Variants in SIRPB1 observed in about 807,000 individuals in gnomAD.
SIRPB1 encodes signal regulatory protein beta 1.
Under a neutral mutation model 34.1 loss-of-function variants are expected in SIRPB1, and 28 were observed. The ratio of observed to expected loss-of-function variants is 0.82; its 90% CI spans 0.61 to 1.12. The LOEUF is 1.12. SIRPB1 is among the 50% of genes most tolerant of loss of function. The probability of loss-of-function intolerance (pLI) is 0.00; values close to 1 mark genes in which losing one functional copy is unlikely to be tolerated. For missense variants in SIRPB1, 499 were observed against 507.0 expected (o/e 0.98, Z 0.15); for synonymous variants, 211 against 203.8 (o/e 1.04, Z -0.30).
intron 1 of SIRPB1, among the ~76,000 whole-genome samples, chr20:1,614,734 C>A (rs1042133565): frequency 6.6e-6 from 1 of 152,056 alleles, no homozygotes; most frequent in African/African-American, 2.4e-5. Context: ...ATCACTCTAA[C>A]ATTTTCAATA....
rs967315303 is a variant in SIRPB1, at chr20:1,565,268, G to A, written c.*232C>T. On this transcript the variant is annotated 3_prime_UTR_variant, in exon 6 of 6. Coordinates refer to ENST00000381605, the MANE Select transcript of SIRPB1 (RefSeq NM_006065.5). ...GGAGTGTTTCTCACCTTCTAGGGAGGTGCCATGAGTCAGTGCCCAGAGCCC... is the reference window on the plus strand; with the variant it reads ...GGAGTGTTTCTCACCTTCTAGGGAGATGCCATGAGTCAGTGCCCAGAGCCC... The A allele has an allele frequency of 8.0e-6, 3 of 374,178 alleles. No individual in the cohort carries two copies. The highest frequency in any genetic ancestry group is 4.2e-5 in the African/African-American group (2 of 48,048). 23.2% of individuals were successfully genotyped at this position (374,178 alleles called of 1,614,324 possible).
intron 1 of SIRPB1, among the ~76,000 whole-genome samples, chr20:1,616,074 CA>C (rs1470016676): frequency 6.6e-6 from 1 of 152,032 alleles, no homozygotes; most frequent in East Asian, 1.9e-4. Flanking sequence ...ATAAATAGAA[CA>C]AAAATAATGG....
Position 1,578,146 on chromosome 20 carries a change from G to C in SIRPB1, c.433+192C>G. 3 of 636,786 alleles carry C rather than the reference G, an allele frequency of 4.7e-6. No individual in the cohort carries two copies. In the South Asian group the frequency reaches 5.7e-5, roughly 12 times the overall value. The allele number at this position is 636,786 out of a possible 1,614,324, so 39.4% of individuals were successfully genotyped here. The stretch of plus-strand genomic sequence containing the variant: ...CCTTCTGTCCCATCATTTACAAGCC[G>C]TGGAGCCTCGAGCGACTGCCATGAC... On this transcript the variant is annotated intron_variant, in intron 2 of 5. Coordinates refer to ENST00000381605, the MANE Select transcript of SIRPB1 (RefSeq NM_006065.5).
rs112508653 is a variant in SIRPB1 at position 1,613,113 on chromosome 20, T to C, written c.76+6756A>G. Among the ~76,000 whole-genome samples, 2 of 73,460 alleles carry C rather than the reference T, an allele frequency of 2.7e-5. 1 individual carries two copies. The highest frequency in any genetic ancestry group is 5.2e-5 in the Non-Finnish European group (2 of 38,808). 48.2% of individuals were successfully genotyped at this position (73,460 alleles called of 152,430 possible). A position where few individuals can be genotyped will look rare whatever the true frequency, so the allele number is the denominator to read the frequency against. ...GTGTCCATTTGCTTAACTTTAATAA[T>C]CATTTCACTACGTATATGTATATGT... is the stretch of plus-strand genomic sequence containing the variant. On this transcript the variant is annotated intron_variant, in intron 1 of 5. Coordinates refer to ENST00000381605, the MANE Select transcript of SIRPB1 (RefSeq NM_006065.5).
intron 4 of SIRPB1, among the ~76,000 whole-genome samples, chr20:1,567,646 C>T (rs1201596397): frequency 1.3e-5 from 2 of 152,160 alleles, no homozygotes; most frequent in Non-Finnish European, 2.9e-5. Context: ...CTGGAGAAGC[C>T]GTGACTTGCT....
In SIRPB1 at chr20:1,591,177, G is replaced by A. The variant is rs989543808; in HGVS notation, c.77-12483C>T. ...TAAAAAATGTAATAGGTTGACTAGG[G>A]GACTATATATATATAAGTAGTAAGT... On this transcript the variant is annotated intron_variant, in intron 1 of 5. Transcript: ENST00000381605. 4.1e-5 allele frequency among the ~76,000 whole-genome samples: 2 copies of A among 48,504 alleles called. 1 individual carries two copies. Among genetic ancestry groups the A allele is most frequent in the Non-Finnish European group, 7.9e-5 (2 of 25,238 alleles). The allele number at this position is 48,504 out of a possible 152,430, so 31.8% of individuals were successfully genotyped here.
intron 4 of SIRPB1, among the ~76,000 whole-genome samples, chr20:1,567,814 G>A (rs2091162905): frequency 6.6e-6 from 1 of 152,224 alleles, no homozygotes; most frequent in Non-Finnish European, 1.5e-5. Context: ...CTCTTGGGAG[G>A]AAGGCAATGA....
chr20:1,565,902 G>A (rs542564812), intron 5 of SIRPB1, among the ~76,000 whole-genome samples: 2 of 152,058 alleles, frequency 1.3e-5, no homozygotes, highest in Admixed American at 1.3e-4. Context: ...TAGGCCACTG[G>A]GGACAACTTT....
Position 1,573,631 on chromosome 20 carries a change from G to C in SIRPB1, c.434-1594C>G, listed in dbSNP as rs1019616779. 6.2e-5 allele frequency among the ~76,000 whole-genome samples: 9 copies of C among 144,482 alleles called. 1 individual carries two copies. Among genetic ancestry groups the C allele is most frequent in the African/African-American group, 2.3e-4 (9 of 39,882 alleles). 94.8% of individuals were successfully genotyped at this position (144,482 alleles called of 152,430 possible). ...CTAGAAGGCTGAGAGGCTGTCTTCA[G>C]TTCCGATTTTTTGAGGGCTTCTTGG... On this transcript the variant is annotated intron_variant, in intron 2 of 5. Coordinates refer to ENST00000381605, the MANE Select transcript of SIRPB1 (RefSeq NM_006065.5).
intron 1 of SIRPB1, among the ~76,000 whole-genome samples, chr20:1,615,703 T>G (rs2091619598): frequency 6.6e-6 from 1 of 152,134 alleles, no homozygotes; most frequent in Non-Finnish European, 1.5e-5. Flanking sequence ...TACACCATAT[T>G]TATAGAAGAA....
At chr20:1,573,671 C>T (rs901174177) in intron 2 of SIRPB1, among the ~76,000 whole-genome samples, 1 of 147,136 alleles carries the variant, frequency 6.8e-6, no homozygotes, top group Non-Finnish European at 1.5e-5. Flanking sequence ...CTGATGCTGG[C>T]TGCTCTCTCT....
At position 1,562,722 on chromosome 20, in the gene SIRPB1, T is replaced by C. The variant is rs1440430455; in HGVS notation, c.*2778A>G. Among the ~76,000 whole-genome samples, 1 of 152,164 alleles carries C rather than the reference T, an allele frequency of 6.6e-6. No homozygotes were observed. Among genetic ancestry groups the C allele is most frequent in the Non-Finnish European group, 1.5e-5 (1 of 68,032 alleles). On this transcript the variant is annotated 3_prime_UTR_variant, in exon 6 of 6. Coordinates refer to ENST00000381605, the MANE Select transcript of SIRPB1 (RefSeq NM_006065.5). Reference sequence around the variant, plus strand: ...GTCATGTTGTGTCTTTCAAAGTCTGTTGGTGATTGGTCCCTATGGCTCTCC... The same window carrying C: ...GTCATGTTGTGTCTTTCAAAGTCTGCTGGTGATTGGTCCCTATGGCTCTCC...
At chr20:1,572,817 A>T (rs564903178) in intron 2 of SIRPB1, among the ~76,000 whole-genome samples, 1 of 151,948 alleles carries the variant, frequency 6.6e-6, no homozygotes, top group African/African-American at 2.4e-5. Flanking sequence ...CATTGGAATC[A>T]CACCTGCTAA....
intron 1 of SIRPB1, among the ~76,000 whole-genome samples, chr20:1,580,011 C>T (rs1239260269): frequency 6.7e-6 from 1 of 148,570 alleles, no homozygotes; most frequent in Non-Finnish European, 1.5e-5. Flanking sequence ...ACATACAACA[C>T]ATGCAGCATA....
chr20:1,614,677 C>T (rs748141150), intron 1 of SIRPB1, among the ~76,000 whole-genome samples: 9 of 152,038 alleles, frequency 5.9e-5, no homozygotes, highest in Non-Finnish European at 8.8e-5. Context: ...TTCATATGAA[C>T]TTTTCATGGC....
chr20:1,567,067 T>C (rs138812104), intron 4 of SIRPB1, among the ~76,000 whole-genome samples: 253 of 152,238 alleles, frequency 1.7e-3, no homozygotes, highest in African/African-American at 5.7e-3. Flanking sequence ...GGGTTTTGGA[T>C]GTTAAAAGTA....
rs928252685 is a variant in SIRPB1, at chr20:1,579,248, G to C, written c.77-554C>G. 1.1e-4 allele frequency among the ~76,000 whole-genome samples: 17 copies of C among 148,200 alleles called. 2 individuals are homozygous for C. Among genetic ancestry groups the C allele is most frequent in the Non-Finnish European group, 2.3e-4 (15 of 66,232 alleles). On this transcript the variant is annotated intron_variant, in intron 1 of 5. Transcript: ENST00000381605. ...ATTATAGGTGTCAGCCACCGCGCCT[G>C]GCCAAGAGGTTCAATTTCAATGTAG...
At chr20:1,578,889 G>A (rs2091361499) in intron 1 of SIRPB1, among the ~76,000 whole-genome samples, 195 bp from the exon 2 acceptor site, 1 of 148,198 alleles carries the variant, frequency 6.7e-6, no homozygotes, top group South Asian at 2.1e-4. Context: ...CGAGAACACT[G>A]AGGCACAGAG....
Position 1,570,906 on chromosome 20 carries a change from A to G in SIRPB1, c.983T>C (p.Leu328Pro), listed in dbSNP as rs765277439. 2.5e-6 allele frequency: 4 copies of G among 1,614,048 alleles called. No homozygotes were observed. The African/African-American group carries it at 5.3e-5, about 22-fold the overall frequency. ...CCCATCATGCTCCACCTGACAGGTG[A>G]GCACCACATCGTCCCTGTGGGCACA... is the stretch of plus-strand genomic sequence containing the variant. ...NTCAHRDDVV[L>P]TCQVEHDGQQ... The change falls in exon 4 of 6, where the codon CTC becomes CCC. Residue 328 changes from leucine (L) to proline (P), a missense_variant. Transcript: ENST00000381605.
Sources: allele counts gnomAD v4.1 joint callset (sites outside exome capture counted in the v4.1 genomes callset), GRCh38; gene constraint gnomAD v4.1.1; transcripts MANE v1.5; gene names NCBI Gene and HGNC (gene_info 2026-07-23, HGNC 2026-07-21).